The following SORCS2 variants were observed in gnomAD, a reference collection of about 807,000 sequenced individuals.
The protein encoded by SORCS2 is VPS10 domain-containing receptor SorCS2.
Under a neutral mutation model 141.6 loss-of-function variants are expected in SORCS2, and 100 were observed. The ratio of observed to expected loss-of-function variants is 0.71; its 90% CI spans 0.60 to 0.83. The LOEUF (loss-of-function observed/expected upper bound fraction) is 0.83, where lower values mean the gene tolerates loss of function less well. SORCS2 is among the 40% of genes least tolerant of loss of function. SORCS2 has a pLI of 0.00. For synonymous variants in SORCS2, 789 were observed against 676.9 expected, an observed-to-expected ratio of 1.17 and a Z score of -2.57; for missense variants, 1,646 against 1,560.2, an observed-to-expected ratio of 1.05 and a Z score of -0.93.
intron 1 of SORCS2, among the ~76,000 whole-genome samples, chr4:7,336,770 C>T (rs1276249298): frequency 6.6e-6 from 1 of 152,142 alleles, no homozygotes. Context: ...AATCCCTGAG[C>T]AGCTTGGGTG....
intron 2 of SORCS2, among the ~76,000 whole-genome samples, chr4:7,453,424 GTGTGTTGGGGTCAGGTGC>G (rs1385311843): frequency 1.5e-5 from 2 of 135,462 alleles, no homozygotes; most frequent in African/African-American, 5.7e-5. Flanking sequence ...GTCAGGAGCT[GTGTGTTGGGGTCAGGTGC>G]TGTGTTGGGG....
chr4:7,425,093 C>A (rs1469806169), intron 2 of SORCS2, among the ~76,000 whole-genome samples: 1 of 152,210 alleles, frequency 6.6e-6, no homozygotes, highest in Admixed American at 6.5e-5. Context: ...GCAGGGGTGC[C>A]TCCCCTGTCC....
chr4:7,492,158 C>T (rs146007120), intron 2 of SORCS2, among the ~76,000 whole-genome samples: 232 of 152,358 alleles, frequency 1.5e-3, no homozygotes, highest in Admixed American at 2.4e-3. Flanking sequence ...ACAGCCTGGC[C>T]CTCTCTCCAG....
intron 2 of SORCS2, 57 bp from the exon 3 acceptor site, chr4:7,531,473 T>C (rs1040366451): frequency 6.5e-7 from 1 of 1,542,794 alleles, no homozygotes; most frequent in Non-Finnish European, 8.9e-7. Flanking sequence ...CCGTGTGGGC[T>C]GACGAAGGCC....
intron 1 of SORCS2, among the ~76,000 whole-genome samples, chr4:7,259,925 G>A (rs745451434): frequency 3.9e-5 from 6 of 152,200 alleles, no homozygotes; most frequent in Admixed American, 6.5e-5. Flanking sequence ...CAGCCTGTTG[G>A]GCAGGACAGA....
At chr4:7,218,677 G>T (rs1388168556) in intron 1 of SORCS2, among the ~76,000 whole-genome samples, 1 of 152,224 alleles carries the variant, frequency 6.6e-6, no homozygotes, top group Admixed American at 6.5e-5. Context: ...CAGACTACAT[G>T]TGTGTTTTCA....
In SORCS2 at chr4:7,721,302, T is replaced by TA. The variant is rs568084369; in HGVS notation, c.2425-2387dup. Among the ~76,000 whole-genome samples, 886 of 151,852 alleles carry TA rather than the reference T, an allele frequency of 5.8e-3. 12 individuals carry two copies. The highest frequency in any genetic ancestry group is 0.018 in the African/African-American group (754 of 41,412). On this transcript the variant is annotated intron_variant, in intron 18 of 26. Transcript: ENST00000507866. ...CAACATGACGAAACCCTGTCTCTGC[T>TA]AAAAAAAACAAAACTTAGCCAGGTG... is the stretch of plus-strand genomic sequence containing the variant.
intron 1 of SORCS2, among the ~76,000 whole-genome samples, chr4:7,357,109 C>T (rs1721296340): frequency 6.6e-6 from 1 of 152,170 alleles, no homozygotes; most frequent in African/African-American, 2.4e-5. Flanking sequence ...CCGGCTGGAG[C>T]TCTTGCTGGG....
intron 1 of SORCS2, among the ~76,000 whole-genome samples, chr4:7,372,892 G>C (rs1490693739): frequency 6.6e-6 from 1 of 151,966 alleles, no homozygotes; most frequent in Non-Finnish European, 1.5e-5. Context: ...TGGCATGTCT[G>C]TTCGTGACGT....
intron 11 of SORCS2, among the ~76,000 whole-genome samples, chr4:7,691,009 C>T (rs1724209973): frequency 6.6e-6 from 1 of 152,130 alleles, no homozygotes; most frequent in African/African-American, 2.4e-5. Flanking sequence ...GTGGGAGAAT[C>T]GGGGAATACT....
At chr4:7,373,566 T>G (rs886848456) in intron 1 of SORCS2, among the ~76,000 whole-genome samples, 1 of 146,920 alleles carries the variant, frequency 6.8e-6, no homozygotes, top group Non-Finnish European at 1.5e-5. Flanking sequence ...GATCTCTGTT[T>G]ACTGCAACCT....
intron 1 of SORCS2, among the ~76,000 whole-genome samples, chr4:7,335,300 A>G (rs1719913485): frequency 6.6e-6 from 1 of 152,204 alleles, no homozygotes; most frequent in Non-Finnish European, 1.5e-5. Context: ...TTAGTCTGGG[A>G]AATCAGAAAA....
intron 2 of SORCS2, among the ~76,000 whole-genome samples, chr4:7,437,818 C>T (rs1727407026): frequency 6.6e-6 from 1 of 152,166 alleles, no homozygotes; most frequent in Non-Finnish European, 1.5e-5. Context: ...ACACACCTGC[C>T]CCACTTGTTT....
chr4:7,644,464 T>G (rs867708825), intron 4 of SORCS2, among the ~76,000 whole-genome samples: 35 of 152,270 alleles, frequency 2.3e-4, no homozygotes, highest in African/African-American at 8.2e-4. Context: ...CTGCCTCACT[T>G]TCATCTTCCA....
At chr4:7,607,439 C>T (rs1025816335) in intron 3 of SORCS2, among the ~76,000 whole-genome samples, 7 of 152,260 alleles carry the variant, frequency 4.6e-5, no homozygotes, top group African/African-American at 7.2e-5. Context: ...ACTCTTCCTC[C>T]GTGAAGCCCT....
intron 3 of SORCS2, among the ~76,000 whole-genome samples, chr4:7,585,479 C>A (rs1029693247): frequency 1.3e-5 from 2 of 152,200 alleles, no homozygotes; most frequent in Non-Finnish European, 2.9e-5. Flanking sequence ...ACCACATTTC[C>A]GAAATCCACC....
At chr4:7,534,491 T>A (rs1355512598) in intron 3 of SORCS2, among the ~76,000 whole-genome samples, 1 of 152,214 alleles carries the variant, frequency 6.6e-6, no homozygotes, top group Admixed American at 6.5e-5. Flanking sequence ...CCCTGGAACG[T>A]GTGAATGTCA....
intron 1 of SORCS2, among the ~76,000 whole-genome samples, chr4:7,306,426 A>C (rs1055455801): frequency 1.4e-4 from 22 of 152,060 alleles, no homozygotes; most frequent in Admixed American, 6.6e-4. Context: ...ATCAGAGAGG[A>C]TGAGGGTGGC....
chr4:7,426,952 CT>C (rs1178860885), intron 2 of SORCS2, among the ~76,000 whole-genome samples: 3 of 152,210 alleles, frequency 2.0e-5, no homozygotes, highest in African/African-American at 7.2e-5. Flanking sequence ...CGATGGGGCC[CT>C]GAGGACAGGC....
Sources: allele counts gnomAD v4.1 joint callset (sites outside exome capture counted in the v4.1 genomes callset), GRCh38; gene constraint gnomAD v4.1.1; transcripts MANE v1.5; gene names NCBI Gene and HGNC (gene_info 2026-07-23, HGNC 2026-07-21).